The following TSNAX variants were observed in gnomAD, a reference collection of about 807,000 sequenced individuals.
The protein encoded by TSNAX is translin associated factor X.
Under a neutral mutation model 33.0 loss-of-function variants are expected in TSNAX, and 12 were observed. That is an observed-to-expected ratio of 0.36 (90% confidence interval 0.23 to 0.59). The LOEUF is 0.59. Ranked by LOEUF, TSNAX falls within the 20% of genes least tolerant of loss-of-function variation. The pLI, the probability that TSNAX is intolerant of heterozygous loss-of-function variation, is 0.74. For synonymous variants in TSNAX, 110 were observed against 117.2 expected, an observed-to-expected ratio of 0.94 and a Z score of 0.40; for missense variants, 267 against 341.3, an observed-to-expected ratio of 0.78 and a Z score of 1.72.
chr1:231,538,420 A>G (rs1178685253), intron 3 of TSNAX, among the ~76,000 whole-genome samples: 3 of 152,362 alleles, frequency 2.0e-5, no homozygotes, highest in Admixed American at 6.5e-5. Context: ...CCCAAGATTC[A>G]GCACTATCTT....
At chr1:231,556,398 C>T (rs113168165) in intron 4 of TSNAX, among the ~76,000 whole-genome samples, 30 of 152,274 alleles carry the variant, frequency 2.0e-4, no homozygotes, top group African/African-American at 7.0e-4. Flanking sequence ...AACTATATGG[C>T]AGCCAAACAG....
At chr1:231,529,939 G>A (rs556367152) in intron 2 of TSNAX, among the ~76,000 whole-genome samples, 1 of 152,324 alleles carries the variant, frequency 6.6e-6, no homozygotes, top group South Asian at 2.1e-4. Context: ...CTGTGATTAA[G>A]GAATCTGGGA....
intron 3 of TSNAX, among the ~76,000 whole-genome samples, chr1:231,538,043 A>C (rs1420879397): frequency 6.6e-6 from 1 of 152,136 alleles, no homozygotes; most frequent in Non-Finnish European, 1.5e-5. Flanking sequence ...TGTTACCTTC[A>C]TATTATTAAG....
intron 4 of TSNAX, among the ~76,000 whole-genome samples, chr1:231,545,988 CA>C (rs1019812404): frequency 6.6e-6 from 1 of 152,194 alleles, no homozygotes; most frequent in Admixed American, 6.5e-5. Context: ...TAACTCCTAG[CA>C]AAGGCTTTAT....
chr1:231,546,937 T>G (rs1659955809), intron 4 of TSNAX, among the ~76,000 whole-genome samples: 1 of 152,186 alleles, frequency 6.6e-6, no homozygotes, highest in Non-Finnish European at 1.5e-5. Flanking sequence ...CATGGAGCAC[T>G]TCTGCCCACA....
At chr1:231,555,997 G>T (rs990167498) in intron 4 of TSNAX, among the ~76,000 whole-genome samples, 1 of 152,136 alleles carries the variant, frequency 6.6e-6, no homozygotes, top group African/African-American at 2.4e-5. Flanking sequence ...GGAAAGAAAA[G>T]CAATAGACAA....
chr1:231,538,970 A>G (rs1659373871), intron 3 of TSNAX, among the ~76,000 whole-genome samples: 1 of 151,996 alleles, frequency 6.6e-6, no homozygotes, highest in East Asian at 1.9e-4. Flanking sequence ...TATTCCGTTC[A>G]GTAACATGAA....
rs535165931 is a variant in TSNAX, at chr1:231,566,049, T to C, written c.*1144T>C. ...TTAGGCATGTTTGGAGGCTTTCCTA[T>C]TCTAGCATTTAAATTTAAATTTTAT... is the stretch of plus-strand genomic sequence containing the variant. On this transcript the variant is annotated 3_prime_UTR_variant, in exon 6 of 6. Transcript: ENST00000366639. 2.6e-3 allele frequency: 389 copies of C among 152,344 alleles called. 2 individuals carry two copies. The highest frequency in any genetic ancestry group is 8.7e-3 in the African/African-American group (361 of 41,568). The allele number at this position is 152,344 out of a possible 1,614,324, so 9.4% of individuals were successfully genotyped here.
chr1:231,551,642 G>A (rs548294461), intron 4 of TSNAX, among the ~76,000 whole-genome samples: 40 of 151,680 alleles, frequency 2.6e-4, no homozygotes, highest in African/African-American at 9.2e-4. Context: ...GTACCAATTT[G>A]CTCAATACTC....
In TSNAX at chr1:231,565,235, T is replaced by C. The variant is rs181600126; in HGVS notation, c.*330T>C. 408 of 177,356 alleles carry C rather than the reference T, an allele frequency of 2.3e-3. 1 individual carries two copies. Among genetic ancestry groups the C allele is most frequent in the African/African-American group, 9.2e-3 (387 of 42,216 alleles). The allele number at this position is 177,356 out of a possible 1,614,324, so 11.0% of individuals were successfully genotyped here. The stretch of plus-strand genomic sequence containing the variant: ...ATTTTAATTTACTTTTTCTGAAGTT[T>C]GGAGTGATAATTTTTAGTGGAAGCA... On this transcript the variant is annotated 3_prime_UTR_variant, in exon 6 of 6. Transcript: ENST00000366639.
intron 4 of TSNAX, among the ~76,000 whole-genome samples, chr1:231,549,336 C>T (rs1414444975): frequency 6.6e-6 from 1 of 152,042 alleles, no homozygotes; most frequent in African/African-American, 2.4e-5. Flanking sequence ...AGGAGAATTG[C>T]TTGAACCCAG....
intron 3 of TSNAX, 109 bp from the exon 4 acceptor site, chr1:231,542,372 A>C: frequency 9.0e-7 from 1 of 1,107,366 alleles, no homozygotes; most frequent in South Asian, 1.7e-5. Flanking sequence ...TTGAGTTAGA[A>C]GTATATGAAT....
intron 5 of TSNAX, among the ~76,000 whole-genome samples, chr1:231,561,694 A>G (rs1459504128): frequency 6.6e-6 from 1 of 152,206 alleles, no homozygotes; most frequent in Admixed American, 6.5e-5. Context: ...ATTTGAAGTT[A>G]GGTATTTTGA....
In TSNAX at chr1:231,561,169, A is replaced by G; in HGVS notation, c.409A>G (p.Ile137Val). 7 of 1,611,348 alleles carry G rather than the reference A, an allele frequency of 4.3e-6. No individual in the cohort carries two copies. The highest frequency in any genetic ancestry group is 1.1e-5 in the South Asian group (1 of 90,280). The change falls in exon 5 of 6, where the codon ATC (isoleucine) becomes GTC (valine). Residue 137 changes from isoleucine (I) to valine (V), a missense_variant. Ile to Val is a conservative substitution (Grantham distance 29). This residue lies in a region of TSNAX where 200 missense variants were observed against 214.1 expected (regional missense o/e 0.93). Coordinates refer to ENST00000366639, the MANE Select transcript of TSNAX (RefSeq NM_005999.3). ...YVEAVSFQHF[I>V]KTRSLISMDE... ...GGAAGCTGTCTCTTTTCAACACTTC[A>G]TCAAAACACGATCATTAATTAGTAT...
chr1:231,553,682 C>CT (rs5781656), intron 4 of TSNAX, among the ~76,000 whole-genome samples: 54,350 of 133,680 alleles, frequency 0.41, 11,525 homozygotes, highest in East Asian at 0.51. Context: ...TCTTTCTTTC[C>CT]TTTTTTTTTT....
intron 4 of TSNAX, among the ~76,000 whole-genome samples, chr1:231,553,118 G>A (rs891676248): frequency 3.3e-5 from 5 of 152,098 alleles, no homozygotes; most frequent in Admixed American, 6.5e-5. Flanking sequence ...ACCTAGGAGC[G>A]GAATTACCGA....
chr1:231,563,162 A>G (rs938286675), intron 5 of TSNAX, among the ~76,000 whole-genome samples: 1 of 152,236 alleles, frequency 6.6e-6, no homozygotes, highest in Non-Finnish European at 1.5e-5. Context: ...CCTCAAATGC[A>G]CAATTCTTAC....
At chr1:231,545,871 A>G (rs1659875364) in intron 4 of TSNAX, among the ~76,000 whole-genome samples, 1 of 152,210 alleles carries the variant, frequency 6.6e-6, no homozygotes, top group African/African-American at 2.4e-5. Context: ...ACCACTTCAC[A>G]GGCGGGGAGA....
At position 231,528,738 on chromosome 1, in the gene TSNAX, GGCCTGTACCTCGC is replaced by G. The variant is rs1658430739; in HGVS notation, c.-70_-58del. ...GCAGGCTGTTTTCCCAGGTTCCCTC[GGCCTGTACCTCGC>G]GCACTCCTCTTGCTCCAGGTCCTTC... On this transcript the variant is annotated 5_prime_UTR_variant, in exon 1 of 6. Transcript: ENST00000366639. The G allele has an allele frequency of 3.1e-6, 5 of 1,592,864 alleles. No individual in the cohort carries two copies. Among genetic ancestry groups the G allele is most frequent in the Non-Finnish European group, 4.3e-6 (5 of 1,162,176 alleles).
Sources: gnomAD v4.1 joint callset for allele counts (sites outside exome capture counted in the v4.1 genomes callset) on GRCh38, gnomAD v4.1.1 for gene constraint, gnomAD v4.1.1 regional missense constraint, MANE v1.5 for transcripts, NCBI Gene and HGNC (gene_info 2026-07-23, HGNC 2026-07-21) for gene names.